Variants in MET observed in about 807,000 individuals in gnomAD.
MET encodes hepatocyte growth factor receptor.
Under a neutral mutation model 133.1 loss-of-function variants are expected in MET, and 48 were observed. That is an observed-to-expected ratio of 0.36 (90% CI 0.29 to 0.46). MET has a LOEUF of 0.46. Among genes scored for constraint, MET ranks in the 20% least tolerant of loss-of-function variants. MET has a pLI of 1.00. For synonymous variants in MET, 628 were observed against 616.5 expected (o/e 1.02, Z -0.28); for missense variants, 1,442 against 1,695.9 (o/e 0.85, Z 2.63).
At chr7:116,777,229 C>T (rs1795021466) in intron 15 of MET, among the ~76,000 whole-genome samples, 160 bp from the exon 16 acceptor site, 1 of 152,098 alleles carries the variant, frequency 6.6e-6, no homozygotes, top group Non-Finnish European at 1.5e-5. Flanking sequence ...ACAAACACAC[C>T]TACGTACCTA....
chr7:116,689,350 C>T (rs1363555277), intron 1 of MET, among the ~76,000 whole-genome samples: 1 of 152,000 alleles, frequency 6.6e-6, no homozygotes, highest in Non-Finnish European at 1.5e-5. Flanking sequence ...TAGATTTGGC[C>T]CAAATCTTTT....
At chr7:116,764,537 T>C (rs1242953645) in intron 11 of MET, among the ~76,000 whole-genome samples, 2 of 152,182 alleles carry the variant, frequency 1.3e-5, no homozygotes, top group African/African-American at 4.8e-5. Flanking sequence ...TATTTTTCTG[T>C]TCCTGTATCT....
rs186853335 is a variant in MET at position 116,766,818 on chromosome 7, G to T, written c.2584-2827G>T. 1.1e-4 allele frequency among the ~76,000 whole-genome samples: 16 copies of T among 152,148 alleles called. No individual in the cohort carries two copies. The East Asian group carries it at 3.1e-3, about 29-fold the overall frequency. ...AAAAAATATATTCCTGTGGTTTCAT[G>T]GTACCTAGTAGTAAAGGTCCCCAAC... On this transcript the variant is annotated intron_variant, in intron 11 of 20. Coordinates refer to ENST00000397752, the MANE Select transcript of MET (RefSeq NM_000245.4).
chr7:116,769,787 T>C lies in MET; in HGVS notation c.2726T>C (p.Ile909Thr). The C allele has an allele frequency of 6.2e-7, 1 of 1,613,710 alleles. No homozygotes were observed. Among genetic ancestry groups the C allele is most frequent in the Non-Finnish European group, 8.5e-7 (1 of 1,179,754 alleles). The change falls in exon 12 of 21, where the codon ATA becomes ACA. Residue 909 changes from isoleucine to threonine, a missense_variant. By Grantham distance (89) the Ile-to-Thr change is moderately conservative. Coordinates refer to ENST00000397752, the MANE Select transcript of MET (RefSeq NM_000245.4). Reference protein sequence around the residue: ...DLLKLNSELNIEWKQAISSTV... With the variant: ...DLLKLNSELNTEWKQAISSTV... ...CTGAAATTGAACAGCGAGCTAAATA[T>C]AGAGGTGGGATTCCTGCATTCCTCT... is the stretch of plus-strand genomic sequence containing the variant.
chr7:116,757,832 A>G (rs2116926210), intron 8 of MET, 58 bp downstream of exon 8: 1 of 1,558,680 alleles, frequency 6.4e-7, no homozygotes, highest in Non-Finnish European at 8.8e-7. Flanking sequence ...CTGTACCTTA[A>G]AAATTAAGCA....
intron 2 of MET, among the ~76,000 whole-genome samples, chr7:116,721,472 G>A (rs546445876): frequency 7.9e-5 from 12 of 152,048 alleles, no homozygotes; most frequent in Non-Finnish European, 1.3e-4. Context: ...AGGGTTTTTT[G>A]TGTCTCTATT....
chr7:116,793,702 C>T (rs1485501492), intron 19 of MET, among the ~76,000 whole-genome samples: 2 of 151,754 alleles, frequency 1.3e-5, no homozygotes, highest in Non-Finnish European at 2.9e-5. Flanking sequence ...AGTTAGAGAC[C>T]AGCCTGGCCA....
chr7:116,708,449 C>G (rs1239967692), intron 2 of MET, among the ~76,000 whole-genome samples: 1 of 152,172 alleles, frequency 6.6e-6, no homozygotes, highest in Non-Finnish European at 1.5e-5. Flanking sequence ...TTAGTGCATA[C>G]TATCTTACAC....
At chr7:116,680,318 A>G (rs1796305018) in intron 1 of MET, among the ~76,000 whole-genome samples, 1 of 152,232 alleles carries the variant, frequency 6.6e-6, no homozygotes, top group Non-Finnish European at 1.5e-5. Context: ...GTTTTTGTAC[A>G]CATTCGTATT....
intron 5 of MET, among the ~76,000 whole-genome samples, chr7:116,746,379 T>G (rs1793685957): frequency 1.3e-5 from 2 of 152,236 alleles, no homozygotes; most frequent in African/African-American, 2.4e-5. Flanking sequence ...TGGTGATTCC[T>G]TAGGGATCTA....
chr7:116,724,209 GA>G, intron 2 of MET: 1 of 166,576 alleles, frequency 6.0e-6, no homozygotes, highest in Non-Finnish European at 1.3e-5. Flanking sequence ...AAGCCGGTCC[GA>G]AAAGCGCAAT....
intron 3 of MET, among the ~76,000 whole-genome samples, 180 bp downstream of exon 3, chr7:116,732,039 CTTT>C (rs1039967914): frequency 6.6e-6 from 1 of 152,296 alleles, no homozygotes; most frequent in African/African-American, 2.4e-5. Context: ...TGTGTGGTCT[CTTT>C]TTATTAAGTT....
intron 19 of MET, among the ~76,000 whole-genome samples, chr7:116,787,480 G>A (rs1795352134): frequency 1.3e-5 from 2 of 152,182 alleles, no homozygotes; most frequent in Non-Finnish European, 2.9e-5. Context: ...ATGTGCTGAA[G>A]GTCTTCTTGC....
intron 3 of MET, among the ~76,000 whole-genome samples, chr7:116,735,871 TA>T (rs1320074432): frequency 6.6e-6 from 1 of 151,074 alleles, no homozygotes; most frequent in Non-Finnish European, 1.5e-5. Flanking sequence ...CCACCTCCAG[TA>T]TTCAAGCAAT....
At chr7:116,715,989 G>C (rs1792176669) in intron 2 of MET, among the ~76,000 whole-genome samples, 1 of 152,156 alleles carries the variant, frequency 6.6e-6, no homozygotes, top group Non-Finnish European at 1.5e-5. Context: ...GGTGGCTCAT[G>C]CCTGTAATCC....
intron 1 of MET, among the ~76,000 whole-genome samples, chr7:116,692,181 C>A (rs1329161301): frequency 6.6e-6 from 1 of 152,102 alleles, no homozygotes; most frequent in South Asian, 2.1e-4. Flanking sequence ...CCTCTTTGAA[C>A]CTCAGTTTTG....
intron 2 of MET, among the ~76,000 whole-genome samples, chr7:116,713,118 G>A (rs950077902): frequency 1.3e-4 from 20 of 152,174 alleles, no homozygotes; most frequent in Non-Finnish European, 2.6e-4. Flanking sequence ...AAAAGAGGCC[G>A]GGCGCGGTGG....
At chr7:116,725,972 GGTTAC>G (rs748773382) in intron 2 of MET, among the ~76,000 whole-genome samples, 20 of 148,676 alleles carry the variant, frequency 1.3e-4, no homozygotes, top group Non-Finnish European at 3.0e-5. Flanking sequence ...TGGAGTTTGA[GGTTAC>G]AGTGAGCTAC....
rs188798273 is a variant in MET, at chr7:116,748,341, G to A, written c.1702-7014G>A. 5.5e-4 allele frequency among the ~76,000 whole-genome samples: 84 copies of A among 152,194 alleles called. 1 individual carries two copies. The highest frequency in any genetic ancestry group is 1.8e-3 in the African/African-American group (75 of 41,522). On this transcript the variant is annotated intron_variant, in intron 5 of 20. Coordinates refer to ENST00000397752, the MANE Select transcript of MET (RefSeq NM_000245.4). The stretch of plus-strand genomic sequence containing the variant: ...GCTCCTGAATGACTACTGACTACTC[G>A]GTAAACAACTGGTACATTTGTTATT...
Sources: allele counts gnomAD v4.1 joint callset (sites outside exome capture counted in the v4.1 genomes callset), GRCh38; gene constraint gnomAD v4.1.1; transcripts MANE v1.5; gene names NCBI Gene and HGNC (gene_info 2026-07-23, HGNC 2026-07-21).